C7: variants seen among roughly 807,000 people sequenced by gnomAD.
C7 encodes the protein complement component C7.
In C7, 83 loss-of-function variants were observed where a neutral mutation model predicts 104.8. That is an observed-to-expected ratio of 0.79 (90% CI 0.66 to 0.95). The LOEUF (loss-of-function observed/expected upper bound fraction) is 0.95. Ranked by LOEUF, C7 falls within the 40% of genes least tolerant of loss-of-function variation. C7 has a pLI of 0.00. For missense variants in C7, 1,070 were observed against 1,011.2 expected (o/e 1.06, Z -0.79); for synonymous variants, 415 against 360.6 (o/e 1.15, Z -1.71).
intron 3 of C7, 85 bp from the exon 4 acceptor site, chr5:40,934,240 A>T (rs1739758123): frequency 7.0e-6 from 9 of 1,293,352 alleles, no homozygotes; most frequent in Non-Finnish European, 8.1e-6. Context: ...TTTTTCTCAG[A>T]TTTTATTACT....
chr5:40,923,479 C>T (rs1739484861), intron 1 of C7, among the ~76,000 whole-genome samples: 1 of 152,126 alleles, frequency 6.6e-6, no homozygotes, highest in Non-Finnish European at 1.5e-5. Context: ...GGTGTGGTGG[C>T]TCCCGCCTGT....
intron 1 of C7, among the ~76,000 whole-genome samples, chr5:40,911,888 G>A (rs148566232): frequency 0.011 from 1,630 of 151,204 alleles, 36 homozygotes; most frequent in African/African-American, 0.038. Flanking sequence ...ACAGGCGTGC[G>A]CCACCATGCC....
chr5:40,954,897 A>G lies in C7; in HGVS notation c.1094-490A>G, dbSNP rs1469526526. Reference sequence around the variant, plus strand: ...TGTCTCAAAAAAAAAAAAAAAAAAAAAAAAAAAAGAAAACCACCAAAAATA... The same window carrying G: ...TGTCTCAAAAAAAAAAAAAAAAAAAGAAAAAAAAGAAAACCACCAAAAATA... On this transcript the variant is annotated intron_variant, in intron 9 of 17. Coordinates refer to ENST00000313164, the MANE Select transcript of C7 (RefSeq NM_000587.4). 3.4e-5 allele frequency: 10 copies of G among 292,040 alleles called. No homozygotes were observed. The East Asian group carries it at 9.2e-4, about 27-fold the overall frequency. The allele number at this position is 292,040 out of a possible 1,614,324, so 18.1% of individuals were successfully genotyped here. A position where few individuals can be genotyped will look rare whatever the true frequency, so the allele number is the denominator to read the frequency against.
intron 15 of C7, 142 bp from the exon 16 acceptor site, chr5:40,976,608 T>C: frequency 1.9e-6 from 1 of 526,086 alleles, no homozygotes; most frequent in South Asian, 3.4e-5. Context: ...TATCACACCT[T>C]GATTATTATT....
At chr5:40,920,741 T>C (rs2111621937) in intron 1 of C7, among the ~76,000 whole-genome samples, 1 of 152,228 alleles carries the variant, frequency 6.6e-6, no homozygotes, top group East Asian at 1.9e-4. Context: ...TTAAACAACA[T>C]GAACTTATAT....
intron 6 of C7, among the ~76,000 whole-genome samples, chr5:40,941,064 T>TC (rs906536256): frequency 1.4e-5 from 2 of 146,750 alleles, no homozygotes; most frequent in African/African-American, 5.0e-5. Flanking sequence ...GAACACTTCT[T>TC]TTTTTTTTTT....
chr5:40,972,721 G>A, intron 15 of C7, 127 bp downstream of exon 15: 1 of 713,364 alleles, frequency 1.4e-6, no homozygotes, highest in South Asian at 2.6e-5. Flanking sequence ...CCTTAAGATA[G>A]GGTCAGTTTG....
intron 1 of C7, among the ~76,000 whole-genome samples, chr5:40,919,821 A>T (rs1279692344): frequency 1.3e-5 from 2 of 152,134 alleles, no homozygotes; most frequent in Non-Finnish European, 2.9e-5. Context: ...CATAGCAAAC[A>T]TATGGGATAC....
intron 6 of C7, among the ~76,000 whole-genome samples, chr5:40,940,636 CT>C (rs1375519806): frequency 2.0e-5 from 3 of 152,164 alleles, no homozygotes; most frequent in African/African-American, 7.2e-5. Context: ...GACTAGATAC[CT>C]GAGATTTCTA....
chr5:40,939,015 T>C (rs1739874265), intron 6 of C7, among the ~76,000 whole-genome samples: 1 of 152,196 alleles, frequency 6.6e-6, no homozygotes, highest in South Asian at 2.1e-4. Context: ...AGATCCCCTC[T>C]CTCACTCCTT....
chr5:40,979,455 G>A (rs1261399116), intron 16 of C7, among the ~76,000 whole-genome samples: 1 of 151,892 alleles, frequency 6.6e-6, no homozygotes, highest in Non-Finnish European at 1.5e-5. Flanking sequence ...GCTGTACCTG[G>A]TCTGTTCTAG....
At position 40,979,884 on chromosome 5, in the gene C7, C is replaced by T. The variant is rs370152571; in HGVS notation, c.2325C>T (p.Ala775=). The change falls in exon 17 of 18, where the codon GCC becomes GCT. Residue 775 remains alanine, a synonymous_variant. Coordinates refer to ENST00000313164, the MANE Select transcript of C7 (RefSeq NM_000587.4). ...LPASAEKACG[A]CPLWGKCDAE... Reference sequence around the variant, plus strand: ...CCTCAGCTGAGAAAGCTTGTGGTGCCTGCCCACTGTGGGGAAAATGTGATG... The same window carrying T: ...CCTCAGCTGAGAAAGCTTGTGGTGCTTGCCCACTGTGGGGAAAATGTGATG... 4.4e-6 allele frequency: 7 copies of T among 1,595,170 alleles called. No homozygotes were observed. The African/African-American group carries it at 6.7e-5, about 15-fold the overall frequency.
chr5:40,935,480 T>C lies in C7; in HGVS notation c.281-858T>C, dbSNP rs1158841479. On this transcript the variant is annotated intron_variant, in intron 4 of 17. Coordinates refer to ENST00000313164, the MANE Select transcript of C7 (RefSeq NM_000587.4). ...CCTATGAGGACATAGAGGAAGAACA[T>C]GCATCAGAGCCTGTGAGGCAGCGAT... Among the ~76,000 whole-genome samples the C allele has an allele frequency of 2.0e-5, 3 of 152,164 alleles. No homozygotes were observed. In the East Asian group the frequency reaches 5.8e-4, roughly 29 times the overall value.
At chr5:40,958,922 C>T (rs933891038) in intron 11 of C7, among the ~76,000 whole-genome samples, 23 of 152,032 alleles carry the variant, frequency 1.5e-4, no homozygotes, top group South Asian at 6.2e-4. Flanking sequence ...ACTAAATGAA[C>T]GATAAATGAA....
At chr5:40,964,019 A>ATTTTT (rs1249457358) in intron 13 of C7, among the ~76,000 whole-genome samples, 4 of 87,650 alleles carry the variant, frequency 4.6e-5, no homozygotes, top group South Asian at 4.6e-4. Context: ...AGCTCATAAT[A>ATTTTT]CTTTTTTTTT....
At chr5:40,978,329 T>G (rs994542841) in intron 16 of C7, among the ~76,000 whole-genome samples, 1 of 152,160 alleles carries the variant, frequency 6.6e-6, no homozygotes, top group African/African-American at 2.4e-5. Flanking sequence ...CCTAGATACA[T>G]TCTCATTCTA....
intron 6 of C7, among the ~76,000 whole-genome samples, chr5:40,939,937 A>C (rs751865518): frequency 6.6e-6 from 1 of 152,200 alleles, no homozygotes; most frequent in Non-Finnish European, 1.5e-5. Flanking sequence ...TGTTTGTCAG[A>C]GTAGAGGGAA....
chr5:40,977,295 T>C (rs1037772906), intron 16 of C7, among the ~76,000 whole-genome samples: 23 of 152,208 alleles, frequency 1.5e-4, no homozygotes, highest in African/African-American at 5.5e-4. Context: ...ATCATTCCAT[T>C]GTAGGAGGAT....
At chr5:40,962,239 A>G in intron 13 of C7, 67 bp downstream of exon 13, 1 of 936,230 alleles carries the variant, frequency 1.1e-6, no homozygotes. Context: ...TGAGCCCATA[A>G]CCTATTTTCT....
Sources: gnomAD v4.1 joint callset for allele counts (sites outside exome capture counted in the v4.1 genomes callset) on GRCh38, gnomAD v4.1.1 for gene constraint, MANE v1.5 for transcripts, NCBI Gene and HGNC (gene_info 2026-07-23, HGNC 2026-07-21) for gene names.